L3MBTL4: variants seen among roughly 807,000 people sequenced by gnomAD.
L3MBTL4 encodes lethal(3)malignant brain tumor-like protein 4.
L3MBTL4 carries 70 observed loss-of-function variants against 84.5 expected under a neutral mutation model. The observed-to-expected ratio is 0.83, with a 90% CI of 0.68 to 1.01. The LOEUF is 1.01. Ranked by LOEUF, L3MBTL4 falls within the 50% of genes least tolerant of loss-of-function variation. The pLI, the probability that L3MBTL4 is intolerant of heterozygous loss-of-function variation, is 0.00. For synonymous variants in L3MBTL4, 274 were observed against 259.8 expected (o/e 1.05, Z -0.52); for missense variants, 715 against 754.8 (o/e 0.95, Z 0.62).
chr18:6,054,205 T>G (rs1432183493), intron 16 of L3MBTL4, among the ~76,000 whole-genome samples: 1 of 152,144 alleles, frequency 6.6e-6, no homozygotes, highest in Admixed American at 6.5e-5. Context: ...TCAGCCTGCA[T>G]CGTCACAATT....
chr18:6,039,108 G>A (rs1196467614), intron 16 of L3MBTL4, among the ~76,000 whole-genome samples: 2 of 151,876 alleles, frequency 1.3e-5, no homozygotes, highest in Non-Finnish European at 2.9e-5. Context: ...CAGACAGATG[G>A]TAGTAGTCTA....
In L3MBTL4 at chr18:6,255,946, T is replaced by C. The variant is rs191143146; in HGVS notation, c.219+8001A>G. On this transcript the variant is annotated intron_variant, in intron 5 of 18. Transcript: ENST00000317931. Reference sequence around the variant, plus strand: ...CCAGACATGGTCATCATTTGGCTTATGATTAATATTTAAAGTACTAAGAAG... The same window carrying C: ...CCAGACATGGTCATCATTTGGCTTACGATTAATATTTAAAGTACTAAGAAG... Among the ~76,000 whole-genome samples, 6 of 152,342 alleles carry C rather than the reference T, an allele frequency of 3.9e-5. No individual in the cohort carries two copies. In the East Asian group the frequency reaches 9.6e-4, roughly 24 times the overall value.
intron 16 of L3MBTL4, among the ~76,000 whole-genome samples, chr18:6,034,812 G>T (rs1277920703): frequency 6.7e-5 from 10 of 149,762 alleles, no homozygotes; most frequent in African/African-American, 2.4e-4. Flanking sequence ...AGCACCTGTT[G>T]TTTCCTGACT....
At chr18:6,300,370 T>C (rs114589609) in intron 4 of L3MBTL4, among the ~76,000 whole-genome samples, 3 of 152,100 alleles carry the variant, frequency 2.0e-5, no homozygotes, top group Non-Finnish European at 4.4e-5. Context: ...CAATATATTA[T>C]CAGATTTAAA....
At chr18:6,087,079 T>TTGTTC (rs2058283296) in intron 15 of L3MBTL4, among the ~76,000 whole-genome samples, 2 of 152,240 alleles carry the variant, frequency 1.3e-5, no homozygotes, top group Non-Finnish European at 2.9e-5. Flanking sequence ...GAACAAGGAT[T>TTGTTC]TTTGTCTGTT....
chr18:5,971,593 T>C (rs2052645546), intron 16 of L3MBTL4, among the ~76,000 whole-genome samples: 1 of 152,200 alleles, frequency 6.6e-6, no homozygotes, highest in South Asian at 2.1e-4. Context: ...ATTTCTGTGA[T>C]TCCCAAATGA....
chr18:6,333,090 C>CA (rs200328129), intron 1 of L3MBTL4, among the ~76,000 whole-genome samples: 1,772 of 151,002 alleles, frequency 0.012, 30 homozygotes, highest in African/African-American at 0.034. Context: ...CAATTTAAAA[C>CA]AAAATTCTTT....
intron 12 of L3MBTL4, among the ~76,000 whole-genome samples, chr18:6,192,443 GGGA>G (rs2045156079): frequency 6.6e-6 from 1 of 152,076 alleles, no homozygotes; most frequent in Non-Finnish European, 1.5e-5. Flanking sequence ...GGCAGTGGCA[GGGA>G]GATGTGTGGC....
intron 14 of L3MBTL4, among the ~76,000 whole-genome samples, chr18:6,130,671 C>G (rs2059848687): frequency 6.6e-6 from 1 of 152,118 alleles, no homozygotes; most frequent in Admixed American, 6.5e-5. Flanking sequence ...CTTCTGGAGT[C>G]TGTGTTCTAC....
intron 5 of L3MBTL4, among the ~76,000 whole-genome samples, chr18:6,254,095 T>C (rs914793634): frequency 6.6e-6 from 1 of 152,166 alleles, no homozygotes; most frequent in Non-Finnish European, 1.5e-5. Flanking sequence ...TTGAATTTTA[T>C]ACAAAATTTT....
intron 18 of L3MBTL4, among the ~76,000 whole-genome samples, chr18:5,957,707 G>C (rs142568704): frequency 6.8e-4 from 104 of 152,064 alleles, no homozygotes; most frequent in Non-Finnish European, 1.2e-3. Context: ...TGTAATCCCA[G>C]CACTTTGGGA....
chr18:6,129,927 T>C (rs892647472), intron 14 of L3MBTL4, among the ~76,000 whole-genome samples: 3 of 152,204 alleles, frequency 2.0e-5, no homozygotes, highest in African/African-American at 7.2e-5. Context: ...TGTATATTCT[T>C]ATGTCTGTTT....
chr18:5,985,853 G>T (rs1318354295), intron 16 of L3MBTL4, among the ~76,000 whole-genome samples: 3 of 152,186 alleles, frequency 2.0e-5, no homozygotes, highest in Non-Finnish European at 4.4e-5. Context: ...GGATGGGGAT[G>T]ATGCTACAAA....
chr18:6,289,865 T>C (rs1008183093), intron 4 of L3MBTL4, among the ~76,000 whole-genome samples: 1 of 152,218 alleles, frequency 6.6e-6, no homozygotes, highest in African/African-American at 2.4e-5. Context: ...TTTTCCTGTA[T>C]CTGATCAAGT....
rs116662223 is a variant in L3MBTL4, at chr18:6,042,397, C to A, written c.1444+38484G>T. Among the ~76,000 whole-genome samples, 767 of 151,968 alleles carry A rather than the reference C, an allele frequency of 5.0e-3. 8 individuals carry two copies. The highest frequency in any genetic ancestry group is 0.017 in the African/African-American group (705 of 41,468). ...CAGACACATACACACACACCAAGCA[C>A]GTAAATCCACACCTGCCTCCAGTCC... On this transcript the variant is annotated intron_variant, in intron 16 of 18. Coordinates refer to ENST00000317931, the MANE Select transcript of L3MBTL4 (RefSeq NM_001330559.2).
intron 1 of L3MBTL4, among the ~76,000 whole-genome samples, chr18:6,319,809 A>G (rs1281371218): frequency 6.6e-6 from 1 of 151,940 alleles, no homozygotes. Flanking sequence ...CAAAATGAGG[A>G]AAGGGCATAT....
intron 1 of L3MBTL4, among the ~76,000 whole-genome samples, chr18:6,343,661 C>CAAAAAA (rs1192917126): frequency 1.2e-5 from 1 of 85,820 alleles, no homozygotes; most frequent in Admixed American, 1.4e-4. Context: ...GACACCATAT[C>CAAAAAA]AAAAAAAAAA....
chr18:6,374,860 T>C (rs1274922028), intron 1 of L3MBTL4, among the ~76,000 whole-genome samples: 1 of 152,170 alleles, frequency 6.6e-6, no homozygotes, highest in Non-Finnish European at 1.5e-5. Flanking sequence ...CAAAATGAAA[T>C]TTCTAAAGCA....
chr18:6,172,232 G>A (rs998544504), intron 12 of L3MBTL4, among the ~76,000 whole-genome samples: 3 of 152,146 alleles, frequency 2.0e-5, no homozygotes, highest in Admixed American at 1.3e-4. Flanking sequence ...ACTAAGACAC[G>A]TACTGGAATG....
Sources: gnomAD v4.1 joint callset for allele counts (sites outside exome capture counted in the v4.1 genomes callset) on GRCh38, gnomAD v4.1.1 for gene constraint, MANE v1.5 for transcripts, NCBI Gene and HGNC (gene_info 2026-07-23, HGNC 2026-07-21) for gene names.